Variants in JAZF1 observed in about 807,000 individuals in gnomAD.
JAZF1 encodes JAZF zinc finger 1, also known as juxtaposed with another zinc finger protein 1.
JAZF1 carries 8 observed loss-of-function variants against 26.4 expected under a neutral mutation model. The observed-to-expected ratio is 0.30, with a 90% CI of 0.18 to 0.55. The LOEUF (loss-of-function observed/expected upper bound fraction) is 0.55. Among genes scored for constraint, JAZF1 ranks in the 20% least tolerant of loss-of-function variants. JAZF1 has a pLI of 0.94. For synonymous variants in JAZF1, 126 were observed against 122.3 expected, an observed-to-expected ratio of 1.03 and a Z score of -0.20; for missense variants, 199 against 322.0, an observed-to-expected ratio of 0.62 and a Z score of 2.92.
At chr7:28,164,165 C>G (rs1166162965) in intron 1 of JAZF1, among the ~76,000 whole-genome samples, 1 of 152,220 alleles carries the variant, frequency 6.6e-6, no homozygotes, top group Non-Finnish European at 1.5e-5. Flanking sequence ...GATTAGCTGA[C>G]CAGCAGCCTA....
intron 1 of JAZF1, among the ~76,000 whole-genome samples, chr7:28,150,466 C>T (rs1378462734): frequency 6.6e-6 from 1 of 152,232 alleles, no homozygotes; most frequent in Non-Finnish European, 1.5e-5. Context: ...ACACATTCAT[C>T]AAAAGGCATC....
At chr7:28,000,227 A>C (rs1396336328) in intron 1 of JAZF1, among the ~76,000 whole-genome samples, 1 of 150,704 alleles carries the variant, frequency 6.6e-6, no homozygotes, top group Non-Finnish European at 1.5e-5. Flanking sequence ...ATTTTGCAGC[A>C]CCCCCCCGAC....
At chr7:28,175,725 C>T (rs1313429361) in intron 1 of JAZF1, among the ~76,000 whole-genome samples, 1 of 152,178 alleles carries the variant, frequency 6.6e-6, no homozygotes, top group Non-Finnish European at 1.5e-5. Flanking sequence ...GGGACTGTCA[C>T]GTTCTTCACC....
chr7:27,915,042 TTAC>T (rs1784423620), intron 2 of JAZF1, among the ~76,000 whole-genome samples: 2 of 152,286 alleles, frequency 1.3e-5, no homozygotes, highest in East Asian at 3.9e-4. Context: ...TAGCTACAAA[TTAC>T]TGTTAAGAGT....
At chr7:28,076,771 G>A (rs946065450) in intron 1 of JAZF1, among the ~76,000 whole-genome samples, 2 of 149,064 alleles carry the variant, frequency 1.3e-5, no homozygotes, top group African/African-American at 4.9e-5. Flanking sequence ...CCTTACAGAT[G>A]TTTCCATAAG....
At chr7:27,871,250 A>G (rs971986475) in intron 3 of JAZF1, among the ~76,000 whole-genome samples, 3 of 152,242 alleles carry the variant, frequency 2.0e-5, no homozygotes, top group Non-Finnish European at 2.9e-5. Flanking sequence ...CTAGAGACAT[A>G]CAGGTCAACC....
At chr7:27,886,378 C>T (rs1488570543) in intron 3 of JAZF1, among the ~76,000 whole-genome samples, 2 of 152,192 alleles carry the variant, frequency 1.3e-5, no homozygotes, top group Non-Finnish European at 2.9e-5. Flanking sequence ...TTGCATACCA[C>T]CTTTAGTCAA....
At chr7:28,168,330 T>C (rs1450136663) in intron 1 of JAZF1, among the ~76,000 whole-genome samples, 1 of 138,694 alleles carries the variant, frequency 7.2e-6, no homozygotes, top group Non-Finnish European at 1.5e-5. Context: ...TGCAGTGAGC[T>C]GCGACGCGCC....
chr7:28,100,489 G>A (rs182152371), intron 1 of JAZF1, among the ~76,000 whole-genome samples: 14 of 152,122 alleles, frequency 9.2e-5, no homozygotes, highest in African/African-American at 3.4e-4. Flanking sequence ...TTACCAGCAG[G>A]AAGAGGTACT....
intron 1 of JAZF1, among the ~76,000 whole-genome samples, chr7:28,179,606 C>A (rs1380421733): frequency 6.6e-6 from 1 of 150,962 alleles, no homozygotes; most frequent in Non-Finnish European, 1.5e-5. Flanking sequence ...GCCTCCAGGG[C>A]GCGTCGACCC....
chr7:27,937,096 T>G (rs3919460), intron 2 of JAZF1, among the ~76,000 whole-genome samples: 32,323 of 152,088 alleles, frequency 0.21, 3,878 homozygotes, highest in South Asian at 0.28. Context: ...TCTCATGCAC[T>G]TCTATTGCTT....
intron 1 of JAZF1, among the ~76,000 whole-genome samples, chr7:28,090,211 G>C (rs1232871203): frequency 6.6e-6 from 1 of 152,156 alleles, no homozygotes; most frequent in Non-Finnish European, 1.5e-5. Flanking sequence ...GTGAAGATTG[G>C]ATAAGATTGC....
chr7:27,908,743 TTC>T (rs1784306493), intron 2 of JAZF1, among the ~76,000 whole-genome samples: 1 of 152,214 alleles, frequency 6.6e-6, no homozygotes, highest in African/African-American at 2.4e-5. Context: ...GCACTTTTTG[TTC>T]TGTTTCTGCT....
At chr7:28,168,724 T>TA (rs1364979479) in intron 1 of JAZF1, among the ~76,000 whole-genome samples, 1 of 152,200 alleles carries the variant, frequency 6.6e-6, no homozygotes, top group Non-Finnish European at 1.5e-5. Flanking sequence ...TTGCTGTATA[T>TA]TAAAGGCCTG....
chr7:27,860,808 AGT>A (rs1444436884), intron 3 of JAZF1, among the ~76,000 whole-genome samples: 1 of 152,084 alleles, frequency 6.6e-6, no homozygotes, highest in African/African-American at 2.4e-5. Context: ...GCCTCCTCTC[AGT>A]GTGTTTAAGC....
At chr7:27,854,315 T>G (rs1023321317) in intron 3 of JAZF1, among the ~76,000 whole-genome samples, 3 of 152,248 alleles carry the variant, frequency 2.0e-5, no homozygotes, top group Non-Finnish European at 4.4e-5. Flanking sequence ...GTCTTGACTC[T>G]TTATCCAATT....
intron 1 of JAZF1, among the ~76,000 whole-genome samples, chr7:28,100,486 C>T (rs1784456818): frequency 6.6e-6 from 1 of 151,966 alleles, no homozygotes; most frequent in Admixed American, 6.5e-5. Flanking sequence ...CATTTACCAG[C>T]AGGAAGAGGT....
chr7:28,058,911 G>A (rs569798433), intron 1 of JAZF1, among the ~76,000 whole-genome samples: 2 of 152,112 alleles, frequency 1.3e-5, no homozygotes, highest in South Asian at 2.1e-4. Flanking sequence ...TTCTTTATAT[G>A]TCTTTCACAT....
At chr7:27,937,259 C>T (rs1784775582) in intron 2 of JAZF1, among the ~76,000 whole-genome samples, 1 of 152,172 alleles carries the variant, frequency 6.6e-6, no homozygotes, top group African/African-American at 2.4e-5. Context: ...AAAAAGGACT[C>T]CACAAGCCTA....
Sources: gnomAD v4.1 joint callset for allele counts (sites outside exome capture counted in the v4.1 genomes callset) on GRCh38, gnomAD v4.1.1 for gene constraint, MANE v1.5 for transcripts, NCBI Gene and HGNC (gene_info 2026-07-23, HGNC 2026-07-21) for gene names.